MUC20: variants seen among roughly 807,000 people sequenced by gnomAD.
MUC20 encodes mucin 20, cell surface associated, also known as mucin-20.
Under a neutral mutation model 23.8 loss-of-function variants are expected in MUC20, and 14 were observed. The ratio of observed to expected loss-of-function variants is 0.59; its 90% confidence interval spans 0.39 to 0.92. The LOEUF is 0.92. MUC20 is among the 40% of genes least tolerant of loss of function. MUC20 has a pLI of 0.00. For missense variants in MUC20, 375 were observed against 668.8 expected (o/e 0.56, Z 4.85); for synonymous variants, 166 against 279.3 (o/e 0.59, Z 4.04).
chr3:195,733,120 G>A, intron 3 of MUC20, 30 bp from the exon 4 acceptor site: 1 of 1,567,522 alleles, frequency 6.4e-7, no homozygotes, highest in Middle Eastern at 1.7e-4. Flanking sequence ...CAGATGGGCT[G>A]AAAGGACAGC....
intron 2 of MUC20, among the ~76,000 whole-genome samples, chr3:195,727,809 TGATG>T (rs1203750013): frequency 0.03 from 4,412 of 149,298 alleles, 14 homozygotes; most frequent in African/African-American, 0.11. Flanking sequence ...ATATGTTATC[TGATG>T]CCAGGCAGTG....
chr3:195,729,420 G>A (rs976721917), intron 2 of MUC20: 40 of 497,458 alleles, frequency 8.0e-5, no homozygotes, highest in South Asian at 4.2e-4. Context: ...AGGTTCAGGC[G>A]ATTCTCCTGC....
intron 1 of MUC20, among the ~76,000 whole-genome samples, chr3:195,721,554 G>A (rs150538069): frequency 1.2e-3 from 171 of 140,230 alleles, no homozygotes; most frequent in Non-Finnish European, 1.9e-3. Flanking sequence ...TACAGATTTC[G>A]TGTGAAAAGT....
intron 2 of MUC20, among the ~76,000 whole-genome samples, chr3:195,728,408 T>C (rs962903327): frequency 5.9e-5 from 9 of 152,282 alleles, no homozygotes; most frequent in African/African-American, 2.2e-4. Flanking sequence ...GGGAAGATAC[T>C]ATGCCTGGAT....
chr3:195,731,712 G>C (rs1176059092), intron 3 of MUC20, among the ~76,000 whole-genome samples: 1 of 152,262 alleles, frequency 6.6e-6, no homozygotes, highest in African/African-American at 2.4e-5. Context: ...CCAAAGTCCT[G>C]AGTAGGAACA....
Position 195,729,674 on chromosome 3 carries a change from C to A in MUC20, c.1996C>A (p.Arg666=). Reference sequence around the variant, plus strand: ...TGAAAATGGAGGTTTCCTCCTCCTGCGGCTGAGTGTGGCTTCCCCGGAAGA... The same window carrying A: ...TGAAAATGGAGGTTTCCTCCTCCTGAGGCTGAGTGTGGCTTCCCCGGAAGA... ...AGENGGFLLL[R]LSVASPEDLT... Residue 666 remains arginine, a synonymous_variant, in exon 3 of 4, where the codon CGG becomes AGG. Transcript: ENST00000447234. 1.3e-6 allele frequency: 2 copies of A among 1,590,752 alleles called. No individual in the cohort carries two copies. Among genetic ancestry groups the A allele is most frequent in the South Asian group, 2.3e-5 (2 of 87,512 alleles).
At position 195,726,123 on chromosome 3, in the gene MUC20, A is replaced by G. The variant is rs753951718; in HGVS notation, c.1520A>G (p.Glu507Gly). 1 of 1,608,878 alleles carries G rather than the reference A, an allele frequency of 6.2e-7. No individual in the cohort carries two copies. Among genetic ancestry groups the G allele is most frequent in the South Asian group, 1.1e-5 (1 of 90,922 alleles). ...GTPLPTNSAT[E>G]REVTAPGATT... ...CCACTCCCCACTAACAGCGCCACAG[A>G]AAGAGAAGTGACAGCACCCGGGGCC... The change falls in exon 2 of 4, where the codon GAA becomes GGA. Residue 507 changes from glutamate to glycine, a missense_variant. Physicochemically the swap from Glu to Gly is moderately conservative, Grantham distance 98. Transcript: ENST00000447234.
rs1712661719 is a variant in MUC20 at position 195,726,354 on chromosome 3, T to C, written c.1751T>C (p.Phe584Ser). ...CCCTCGGAAGCCGCCCTCAAGAACT[T>C]CACCCCTTCAGAGACACCGACCATG... ...YSPSEAALKN[F>S]TPSETPTMDI... The change falls in exon 2 of 4, where the codon TTC (phenylalanine) becomes TCC (serine). Residue 584 changes from phenylalanine (F) to serine (S), a missense_variant. Transcript: ENST00000447234. The C allele has an allele frequency of 1.9e-6, 3 of 1,614,040 alleles. No homozygotes were observed. Among genetic ancestry groups the C allele is most frequent in the Non-Finnish European group, 2.5e-6 (3 of 1,179,894 alleles).
At chr3:195,733,008 C>A in intron 3 of MUC20, 142 bp from the exon 4 acceptor site, 2 of 839,752 alleles carry the variant, frequency 2.4e-6, no homozygotes, top group Non-Finnish European at 1.9e-6. Context: ...GAGGCACCAG[C>A]CTGTGTCCAG....
In MUC20 at chr3:195,729,692, C is replaced by A; in HGVS notation, c.2014C>A (p.Pro672Thr). 6.3e-7 allele frequency: 1 copy of A among 1,596,776 alleles called. No individual in the cohort carries two copies. Among genetic ancestry groups the A allele is most frequent in the East Asian group, 2.3e-5 (1 of 44,236 alleles). Residue 672 changes from proline (P) to threonine (T), a missense_variant, in exon 3 of 4, where the codon CCG becomes ACG. By Grantham distance (38) the Pro-to-Thr change is conservative. Coordinates refer to ENST00000447234, the MANE Select transcript of MUC20 (RefSeq NM_001282506.2). Reference sequence around the variant, plus strand: ...CCTCCTGCGGCTGAGTGTGGCTTCCCCGGAAGACCTCACTGACCCCAGAGT... The same window carrying A: ...CCTCCTGCGGCTGAGTGTGGCTTCCACGGAAGACCTCACTGACCCCAGAGT... The part of the protein sequence containing the change: ...FLLLRLSVAS[P>T]EDLTDPRVAE...
intron 2 of MUC20, among the ~76,000 whole-genome samples, chr3:195,728,801 C>T (rs546658972): frequency 6.6e-6 from 1 of 152,276 alleles, no homozygotes; most frequent in East Asian, 1.9e-4. Flanking sequence ...CTGCGGCTTT[C>T]CACAGTGCAT....
intron 2 of MUC20, among the ~76,000 whole-genome samples, chr3:195,726,963 T>C (rs1157237496): frequency 6.6e-6 from 1 of 152,274 alleles, no homozygotes; most frequent in Non-Finnish European, 1.5e-5. Context: ...CTCTGGAAGC[T>C]TCTATTCCAG....
At position 195,731,634 on chromosome 3, in the gene MUC20, G is replaced by A. The variant is rs564158400; in HGVS notation, c.2062-1516G>A. Among the ~76,000 whole-genome samples the A allele has an allele frequency of 9.8e-5, 15 of 152,386 alleles. No individual in the cohort carries two copies. In the East Asian group the frequency reaches 1.3e-3, roughly 14 times the overall value. On this transcript the variant is annotated intron_variant, in intron 3 of 3. Coordinates refer to ENST00000447234, the MANE Select transcript of MUC20 (RefSeq NM_001282506.2). Reference sequence around the variant, plus strand: ...TGCTGCCACAGCCAAGGGGCATCACGTGGCCTGCACACACATTCACATAGG... The same window carrying A: ...TGCTGCCACAGCCAAGGGGCATCACATGGCCTGCACACACATTCACATAGG...
At chr3:195,722,616 CAT>C (rs371197852) in intron 1 of MUC20, 11,997 of 970,214 alleles carry the variant, frequency 0.012, no homozygotes, top group African/African-American at 0.046. Context: ...GCTTGGGGAG[CAT>C]GAGGAGGTTT....
In MUC20 at chr3:195,733,147, C is replaced by T. The variant is rs1470190965; in HGVS notation, c.2062-3C>T. The T allele has an allele frequency of 3.8e-6, 6 of 1,585,374 alleles. No homozygotes were observed. Among genetic ancestry groups the T allele is most frequent in the Non-Finnish European group, 5.1e-6 (6 of 1,166,766 alleles). On this transcript the variant is annotated splice_polypyrimidine_tract_variant and splice_region_variant and intron_variant, in intron 3 of 3. Coordinates refer to ENST00000447234, the MANE Select transcript of MUC20 (RefSeq NM_001282506.2). Reference sequence around the variant, plus strand: ...AAGGACAGCTGGCTCTTTTGCTCTCCAGCTCCACCGGGAACTCCACGCCCA... The same window carrying T: ...AAGGACAGCTGGCTCTTTTGCTCTCTAGCTCCACCGGGAACTCCACGCCCA...
At chr3:195,732,615 T>C (rs1381029064) in intron 3 of MUC20, among the ~76,000 whole-genome samples, 2 of 152,248 alleles carry the variant, frequency 1.3e-5, no homozygotes, top group Non-Finnish European at 2.9e-5. Context: ...CTGCCTCTGC[T>C]TCCCAAAGCA....
chr3:195,733,471 G>T lies in MUC20; in HGVS notation c.*253G>T, dbSNP rs978731494. ...TGTCCTTGGACTCACCTTGGCACAT[G>T]TTCTGTGTTTCAGTAAAGAGAGACC... On this transcript the variant is annotated 3_prime_UTR_variant, in exon 4 of 4. Transcript: ENST00000447234. The T allele has an allele frequency of 7.1e-7, 1 of 1,407,844 alleles. No homozygotes were observed. Among genetic ancestry groups the T allele is most frequent in the Non-Finnish European group, 9.2e-7 (1 of 1,085,468 alleles). 87.2% of individuals were successfully genotyped at this position (1,407,844 alleles called of 1,614,324 possible). A position where few individuals can be genotyped will look rare whatever the true frequency, so the allele number is the denominator to read the frequency against.
intron 1 of MUC20, chr3:195,722,169 T>C: frequency 5.2e-6 from 3 of 572,272 alleles, no homozygotes; most frequent in Non-Finnish European, 4.4e-6. Context: ...TCATACATTG[T>C]ATTTTTAATC....
intron 2 of MUC20, among the ~76,000 whole-genome samples, chr3:195,728,839 A>G (rs1713041780): frequency 6.6e-6 from 1 of 152,146 alleles, no homozygotes; most frequent in South Asian, 2.1e-4. Context: ...GAGACTAGAG[A>G]ATGGCGATGA....
Sources: allele counts gnomAD v4.1 joint callset (sites outside exome capture counted in the v4.1 genomes callset), GRCh38; gene constraint gnomAD v4.1.1; transcripts MANE v1.5; gene names NCBI Gene and HGNC (gene_info 2026-07-23, HGNC 2026-07-21).